The following TUBD1 variants were observed in gnomAD, a reference collection of about 807,000 sequenced individuals.
TUBD1 encodes the protein tubulin delta chain.
Under a neutral mutation model 51.2 loss-of-function variants are expected in TUBD1, and 38 were observed. The observed-to-expected ratio is 0.74, with a 90% CI of 0.57 to 0.97. The LOEUF is 0.97. Among genes scored for constraint, TUBD1 ranks in the 50% least tolerant of loss-of-function variants. The probability of loss-of-function intolerance (pLI) is 0.00; values close to 1 mark genes in which losing one functional copy is unlikely to be tolerated. For missense variants in TUBD1, 489 were observed against 538.4 expected (o/e 0.91, Z 0.91); for synonymous variants, 169 against 178.2 (o/e 0.95, Z 0.41).
rs2039567545 is a variant in TUBD1 at position 59,863,659 on chromosome 17, C to G, written c.1259+5G>C. The G allele has an allele frequency of 6.7e-7, 1 of 1,495,240 alleles. No homozygotes were observed. Among genetic ancestry groups the G allele is most frequent in the Non-Finnish European group, 9.0e-7 (1 of 1,117,218 alleles). 92.6% of individuals were successfully genotyped at this position (1,495,240 alleles called of 1,614,324 possible). On this transcript the variant is annotated splice_donor_5th_base_variant and intron_variant, in intron 8 of 8. Transcript: ENST00000325752. ...GAAAGGTTTGTAGACTTATTTTATA[C>G]TTACTTTGAAGCAAACATATTCCAT... is the stretch of plus-strand genomic sequence containing the variant.
intron 8 of TUBD1, among the ~76,000 whole-genome samples, chr17:59,863,391 C>A (rs1048869308): frequency 6.6e-6 from 1 of 152,042 alleles, no homozygotes; most frequent in Non-Finnish European, 1.5e-5. Flanking sequence ...TGGGCAGATC[C>A]CGAGGTCAGA....
intron 6 of TUBD1, among the ~76,000 whole-genome samples, chr17:59,873,954 C>A (rs1336150759): frequency 6.6e-6 from 1 of 151,878 alleles, no homozygotes; most frequent in Non-Finnish European, 1.5e-5. Context: ...CTTTGGGAGG[C>A]CAAGACGGGT....
Position 59,863,362 on chromosome 17 carries a change from G to A in TUBD1, c.1259+302C>T, listed in dbSNP as rs142405926. ...ATGGTGGCTTACGCCTGTAATGCCA[G>A]CACTTTGGGAGGCTGAGGTGGGCAG... On this transcript the variant is annotated intron_variant, in intron 8 of 8. Transcript: ENST00000325752. Among the ~76,000 whole-genome samples the A allele has an allele frequency of 2.7e-3, 414 of 152,298 alleles. 1 individual carries two copies. The highest frequency in any genetic ancestry group is 8.9e-3 in the African/African-American group (371 of 41,578).
At chr17:59,877,537 T>C (rs1377769542) in intron 5 of TUBD1, among the ~76,000 whole-genome samples, 1 of 152,098 alleles carries the variant, frequency 6.6e-6, no homozygotes, top group African/African-American at 2.4e-5. Flanking sequence ...ATCCCAACAC[T>C]TTGGAAGGCC....
chr17:59,878,115 G>C lies in TUBD1; in HGVS notation c.757C>G (p.Arg253Gly). 2 of 1,613,530 alleles carry C rather than the reference G, an allele frequency of 1.2e-6. No individual in the cohort carries two copies. Among genetic ancestry groups the C allele is most frequent in the Non-Finnish European group, 8.5e-7 (1 of 1,179,556 alleles). The change falls in exon 5 of 9, where the codon CGA becomes GGA. Residue 253 changes from arginine to glycine, a missense_variant. Physicochemically the swap from Arg to Gly is moderately radical, Grantham distance 125. Transcript: ENST00000325752. ...YSAESSFHYR[R>G]NPLGDLMEHL... ...GAGGGACAAATACCTAGTGGATTTC[G>C]TCTGTAGTGAAATGAGCTTTCTGCA...
chr17:59,862,285 T>G (rs566098707), intron 8 of TUBD1, among the ~76,000 whole-genome samples: 1 of 149,820 alleles, frequency 6.7e-6, no homozygotes, highest in Non-Finnish European at 1.5e-5. Context: ...ATCATGCCAT[T>G]GCACTCCAGT....
intron 3 of TUBD1, among the ~76,000 whole-genome samples, chr17:59,881,311 C>A (rs967645751): frequency 1.3e-5 from 2 of 152,142 alleles, no homozygotes; most frequent in South Asian, 2.1e-4. Context: ...GCCTAGTGTT[C>A]CATTATTGGA....
At chr17:59,883,381 T>C (rs928762372) in intron 3 of TUBD1, among the ~76,000 whole-genome samples, 1 of 152,096 alleles carries the variant, frequency 6.6e-6, no homozygotes, top group East Asian at 1.9e-4. Context: ...GCGATTCTCC[T>C]GCCTCAGCCT....
intron 3 of TUBD1, among the ~76,000 whole-genome samples, chr17:59,883,542 T>C (rs144240492): frequency 1.2e-4 from 19 of 152,178 alleles, no homozygotes; most frequent in African/African-American, 4.1e-4. Flanking sequence ...AGTGCTGGGA[T>C]GACAGGCGTG....
At position 59,866,686 on chromosome 17, in the gene TUBD1, T is replaced by C; in HGVS notation, c.998A>G (p.Asn333Ser). The C allele has an allele frequency of 6.2e-7, 1 of 1,614,168 alleles. No individual in the cohort carries two copies. The highest frequency in any genetic ancestry group is 8.5e-7 in the Non-Finnish European group (1 of 1,180,024). ...GGAAGTGTTAAAATGCAGGTCCTTG[T>C]TGAGAGACATTTTACTAAGAGGAGG... ...GLPPLSKMSL[N>S]KDLHFNTSIA... Residue 333 changes from asparagine (N) to serine (S), a missense_variant, in exon 7 of 9, where the codon AAC becomes AGC. Coordinates refer to ENST00000325752, the MANE Select transcript of TUBD1 (RefSeq NM_016261.4).
At chr17:59,886,313 G>T in intron 2 of TUBD1, 83 bp from the exon 3 acceptor site, 21 of 1,201,570 alleles carry the variant, frequency 1.7e-5, no homozygotes, top group Non-Finnish European at 2.1e-5. Context: ...GCATCTAAGT[G>T]TCCAAATCCA....
At chr17:59,862,854 A>G (rs2039523925) in intron 8 of TUBD1, among the ~76,000 whole-genome samples, 1 of 150,094 alleles carries the variant, frequency 6.7e-6, no homozygotes, top group Non-Finnish European at 1.5e-5. Flanking sequence ...CCTCCCGAGT[A>G]GCTGGGACTA....
intron 7 of TUBD1, among the ~76,000 whole-genome samples, chr17:59,866,193 T>G (rs527935711): frequency 6.8e-6 from 1 of 147,122 alleles, no homozygotes; most frequent in South Asian, 2.1e-4. Flanking sequence ...GATGGTAAAG[T>G]AAGGGTGACA....
chr17:59,861,383 G>C (rs1343877176), intron 8 of TUBD1, among the ~76,000 whole-genome samples: 1 of 151,784 alleles, frequency 6.6e-6, no homozygotes, highest in East Asian at 1.9e-4. Context: ...ATTTTTAGTA[G>C]AGGTGGGGTT....
chr17:59,876,359 GTT>G (rs886233329), intron 5 of TUBD1, among the ~76,000 whole-genome samples: 2 of 133,888 alleles, frequency 1.5e-5, no homozygotes, highest in Non-Finnish European at 3.2e-5. Context: ...TTTTTTTTTT[GTT>G]TTTTTTTTTT....
intron 5 of TUBD1, among the ~76,000 whole-genome samples, chr17:59,875,925 G>A (rs1568304537): frequency 6.6e-6 from 1 of 151,976 alleles, no homozygotes; most frequent in Non-Finnish European, 1.5e-5. Flanking sequence ...AATACCTTGA[G>A]GATAGGGAAA....
intron 7 of TUBD1, among the ~76,000 whole-genome samples, chr17:59,864,790 G>T (rs949615545): frequency 6.6e-6 from 1 of 152,010 alleles, no homozygotes; most frequent in African/African-American, 2.4e-5. Context: ...CACTGTGACT[G>T]GTCCTATTTT....
At chr17:59,885,556 G>A in intron 3 of TUBD1, 2 of 1,454,726 alleles carry the variant, frequency 1.4e-6, no homozygotes, top group East Asian at 2.3e-5. Flanking sequence ...CTAGATCTGA[G>A]GAGGCTTCGT....
intron 7 of TUBD1, among the ~76,000 whole-genome samples, chr17:59,866,150 C>T (rs893906356): frequency 6.8e-6 from 1 of 147,944 alleles, no homozygotes; most frequent in Admixed American, 6.8e-5. Context: ...GGAGGCAGGT[C>T]CTTCTCTGCT....
Sources: allele counts gnomAD v4.1 joint callset (sites outside exome capture counted in the v4.1 genomes callset), GRCh38; gene constraint gnomAD v4.1.1; transcripts MANE v1.5; gene names NCBI Gene and HGNC (gene_info 2026-07-23, HGNC 2026-07-21).